The following RRBP1 variants were observed in gnomAD, a reference collection of about 807,000 sequenced individuals.
RRBP1 encodes ribosome binding protein 1.
Under a neutral mutation model 165.2 loss-of-function variants are expected in RRBP1, and 94 were observed. The observed-to-expected ratio is 0.57, with a 90% CI of 0.48 to 0.68. The LOEUF is 0.68. Among genes scored for constraint, RRBP1 ranks in the 30% least tolerant of loss-of-function variants. The pLI, the probability that RRBP1 is intolerant of heterozygous loss-of-function variation, is 0.00. For missense variants in RRBP1, 1,676 were observed against 1,763.0 expected, an observed-to-expected ratio of 0.95 and a Z score of 0.88; for synonymous variants, 680 against 714.5, an observed-to-expected ratio of 0.95 and a Z score of 0.77.
At chr20:17,658,240 T>C (rs1367124284) in intron 3 of RRBP1, among the ~76,000 whole-genome samples, 2 of 152,172 alleles carry the variant, frequency 1.3e-5, no homozygotes, top group African/African-American at 2.4e-5. Flanking sequence ...AATGCTGACT[T>C]GAAATGCCCT....
intron 2 of RRBP1, among the ~76,000 whole-genome samples, chr20:17,666,318 C>G (rs2036865923): frequency 6.7e-6 from 1 of 149,734 alleles, no homozygotes; most frequent in African/African-American, 2.5e-5. Context: ...CCAGCCTGAG[C>G]ATCATAGCAA....
chr20:17,622,074 C>G, intron 13 of RRBP1, 127 bp from the exon 14 acceptor site: 1 of 696,494 alleles, frequency 1.4e-6, no homozygotes. Flanking sequence ...TTCAGGGAAG[C>G]GACAAGAATC....
intron 2 of RRBP1, among the ~76,000 whole-genome samples, chr20:17,670,505 C>T (rs2036957421): frequency 6.6e-6 from 1 of 151,620 alleles, no homozygotes; most frequent in Admixed American, 6.6e-5. Flanking sequence ...TCTTTACCCC[C>T]CCAAATTAAT....
chr20:17,637,251 G>C (rs551420584), intron 5 of RRBP1, among the ~76,000 whole-genome samples: 4 of 152,294 alleles, frequency 2.6e-5, no homozygotes, highest in African/African-American at 9.6e-5. Flanking sequence ...CTCCACCCAG[G>C]GGGACATCGG....
intron 5 of RRBP1, among the ~76,000 whole-genome samples, chr20:17,637,138 T>G (rs2036262852): frequency 1.4e-5 from 2 of 145,112 alleles, no homozygotes; most frequent in East Asian, 2.0e-4. Flanking sequence ...TCATCAGGAC[T>G]GAAAGGCACC....
intron 20 of RRBP1, 109 bp downstream of exon 20, chr20:17,618,487 T>G: frequency 1.1e-6 from 1 of 915,534 alleles, no homozygotes; most frequent in Non-Finnish European, 1.8e-6. Context: ...CACTGTCCCT[T>G]CCCTAGGCTT....
At position 17,658,796 on chromosome 20, in the gene RRBP1, T is replaced by C. The variant is rs748109743; in HGVS notation, c.1712A>G (p.Glu571Gly). The change falls in exon 3 of 25, where the codon GAA becomes GGA. Residue 571 changes from glutamate to glycine, a missense_variant. By Grantham distance (98) the Glu-to-Gly change is moderately conservative (BLOSUM62 -2). This residue lies in a region of RRBP1 where 1,184 missense variants were observed against 1,167.1 expected (regional missense o/e 1.01). Transcript: ENST00000377813. ...EGITNQGKKAEGSPSEGKKAE... is the reference protein window; with the variant it reads ...EGITNQGKKAGGSPSEGKKAE... The stretch of plus-strand genomic sequence containing the variant: ...CTTTTTGCCTTCACTGGGGGACCCT[T>C]CTGCTTTTTTCCCCTGGTTTGTAAT... The C allele has an allele frequency of 5.6e-6, 9 of 1,613,984 alleles. No individual in the cohort carries two copies. In the Middle Eastern group the frequency reaches 8.2e-4, roughly 147 times the overall value.
At position 17,621,534 on chromosome 20, in the gene RRBP1, T is replaced by C. The variant is rs749473422; in HGVS notation, c.3338A>G (p.Lys1113Arg). 1 of 1,612,410 alleles carries C rather than the reference T, an allele frequency of 6.2e-7. No homozygotes were observed. Among genetic ancestry groups the C allele is most frequent in the Admixed American group, 1.7e-5 (1 of 59,998 alleles). ...PAEPSSDLASKLREAEETQST... is the reference protein window; with the variant it reads ...PAEPSSDLASRLREAEETQST... ...CTGCGTCTCCTCGGCCTCCCTCAAC[T>C]TGGAGGCCAGGTCCTGAGAGAGGGA... The change falls in exon 16 of 25, where the codon AAG becomes AGG. Residue 1113 changes from lysine (K) to arginine (R), a missense_variant. This residue lies in a region of RRBP1 where 1,184 missense variants were observed against 1,167.1 expected (regional missense o/e 1.01). Coordinates refer to ENST00000377813, the MANE Select transcript of RRBP1 (RefSeq NM_001365613.2).
intron 2 of RRBP1, among the ~76,000 whole-genome samples, chr20:17,664,810 G>C (rs569761725): frequency 2.8e-4 from 42 of 152,310 alleles, no homozygotes; most frequent in Non-Finnish European, 5.4e-4. Flanking sequence ...CTGTGGGGTA[G>C]GGGTGGACAA....
chr20:17,639,155 C>T (rs1874702141), intron 5 of RRBP1, among the ~76,000 whole-genome samples: 1 of 152,198 alleles, frequency 6.6e-6, no homozygotes, highest in Non-Finnish European at 1.5e-5. Flanking sequence ...TTCTTGGTTA[C>T]ATCACTGGAG....
chr20:17,669,719 T>A (rs565745825), intron 2 of RRBP1, among the ~76,000 whole-genome samples: 2 of 152,324 alleles, frequency 1.3e-5, no homozygotes, highest in East Asian at 3.9e-4. Context: ...TTCACACTCT[T>A]ACAAATGGTA....
intron 3 of RRBP1, among the ~76,000 whole-genome samples, chr20:17,658,236 G>A (rs2036681136): frequency 6.6e-6 from 1 of 152,172 alleles, no homozygotes; most frequent in Non-Finnish European, 1.5e-5. Context: ...ATGAAATGCT[G>A]ACTTGAAATG....
intron 3 of RRBP1, among the ~76,000 whole-genome samples, chr20:17,655,808 T>A (rs1042633099): frequency 6.6e-6 from 1 of 152,210 alleles, no homozygotes; most frequent in Non-Finnish European, 1.5e-5. Flanking sequence ...ATATTAACGG[T>A]TTTTAAATAA....
In RRBP1 at chr20:17,636,601, C is replaced by T; in HGVS notation, c.2313G>A (p.Lys771=). Reference sequence around the variant, plus strand: ...CCTTGCCCTGCAGCTGCTGCACCTCCTTCACGTGCTCCCGGTAGCTGGCCT... The same window carrying T: ...CCTTGCCCTGCAGCTGCTGCACCTCTTTCACGTGCTCCCGGTAGCTGGCCT... ...RMQASYREHV[K]EVQQLQGKIR... The change falls in exon 6 of 25, where the codon AAG becomes AAA. Residue 771 remains lysine, a synonymous_variant. Coordinates refer to ENST00000377813, the MANE Select transcript of RRBP1 (RefSeq NM_001365613.2). 6.2e-7 allele frequency: 1 copy of T among 1,612,296 alleles called. No individual in the cohort carries two copies. Among genetic ancestry groups the T allele is most frequent in the Non-Finnish European group, 8.5e-7 (1 of 1,180,008 alleles).
In RRBP1 at chr20:17,659,690, T is replaced by G; in HGVS notation, c.818A>C (p.Asp273Ala). 1 of 1,550,548 alleles carries G rather than the reference T, an allele frequency of 6.4e-7. No individual in the cohort carries two copies. Among genetic ancestry groups the G allele is most frequent in the Non-Finnish European group, 8.7e-7 (1 of 1,146,972 alleles). ...CTTTTTCCCCTGGTTTGGGGTTGTA[T>G]CTACCTTTTTACCCTGGTTCTGGGC... is the stretch of plus-strand genomic sequence containing the variant. ...EGAQNQGKKV[D>A]TTPNQGKKVE... The change falls in exon 3 of 25, where the codon GAT (aspartate) becomes GCT (alanine). Residue 273 changes from aspartate (D) to alanine (A), a missense_variant. Asp to Ala is a moderately radical substitution (Grantham distance 126). This residue lies in a region of RRBP1 where 392 missense variants were observed against 382.5 expected (regional missense o/e 1.02). Coordinates refer to ENST00000377813, the MANE Select transcript of RRBP1 (RefSeq NM_001365613.2).
rs778344501 is a variant in RRBP1, at chr20:17,619,619, G to C, written c.3675+14C>G. The C allele has an allele frequency of 2.5e-6, 4 of 1,599,626 alleles. No individual in the cohort carries two copies. Among genetic ancestry groups the C allele is most frequent in the Non-Finnish European group, 1.7e-6 (2 of 1,170,740 alleles). ...TGCTGGGCAGGGGCTGCACTCCTTG[G>C]GGGGCAGACTCACCCCTGCCACCTC... On this transcript the variant is annotated intron_variant, in intron 19 of 24. Transcript: ENST00000377813.
chr20:17,615,574 C>G (rs12479820), intron 22 of RRBP1, 45 bp from the exon 23 acceptor site: 1 of 1,514,582 alleles, frequency 6.6e-7, no homozygotes, highest in Non-Finnish European at 8.9e-7. Flanking sequence ...GTCTTATAAA[C>G]GGCTGTGCTG....
intron 11 of RRBP1, 142 bp downstream of exon 11, chr20:17,627,206 G>C (rs531106234): frequency 5.4e-5 from 42 of 781,598 alleles, no homozygotes; most frequent in Non-Finnish European, 8.2e-5. Context: ...AATCACCGGA[G>C]GATGGGGGAG....
intron 13 of RRBP1, 82 bp from the exon 14 acceptor site, chr20:17,622,029 G>A (rs761674761): frequency 4.5e-5 from 46 of 1,028,492 alleles, no homozygotes; most frequent in African/African-American, 6.3e-5. Flanking sequence ...TGATATGCCC[G>A]GGTCTCTGCC....
Sources: gnomAD v4.1 joint callset for allele counts (sites outside exome capture counted in the v4.1 genomes callset) on GRCh38, gnomAD v4.1.1 for gene constraint, gnomAD v4.1.1 regional missense constraint, MANE v1.5 for transcripts, NCBI Gene and HGNC (gene_info 2026-07-23, HGNC 2026-07-21) for gene names.